ADGRV1: variants seen among roughly 807,000 people sequenced by gnomAD.
ADGRV1 encodes adhesion G protein-coupled receptor V1.
Under a neutral mutation model 596.2 loss-of-function variants are expected in ADGRV1, and 359 were observed. The observed-to-expected ratio is 0.60, with a 90% CI of 0.55 to 0.66. The LOEUF is 0.66. Among genes scored for constraint, ADGRV1 ranks in the 30% least tolerant of loss-of-function variants. The pLI, the probability that ADGRV1 is intolerant of heterozygous loss-of-function variation, is 0.00. For missense variants in ADGRV1, 7,274 were observed against 7,575.6 expected, an observed-to-expected ratio of 0.96 and a Z score of 1.48; for synonymous variants, 2,681 against 2,679.2, an observed-to-expected ratio of 1.00 and a Z score of -0.02.
chr5:91,104,860 C>CTTTTTTTTT (rs60957930), intron 87 of ADGRV1, among the ~76,000 whole-genome samples: 1 of 125,994 alleles, frequency 7.9e-6, no homozygotes, highest in Non-Finnish European at 1.6e-5. Flanking sequence ...CTTTTCTTTT[C>CTTTTTTTTT]TTTTTTTTTT....
chr5:90,848,894 C>A (rs1766189022), intron 79 of ADGRV1, 73 bp downstream of exon 79: 1 of 1,046,094 alleles, frequency 9.6e-7, no homozygotes, highest in Non-Finnish European at 1.4e-6. Context: ...ATATGTAATG[C>A]AAAATGACAT....
chr5:90,876,274 G>A (rs546053927), intron 83 of ADGRV1, among the ~76,000 whole-genome samples: 1 of 152,210 alleles, frequency 6.6e-6, no homozygotes, highest in East Asian at 1.9e-4. Context: ...TGCATTTAAG[G>A]AGCATGGTTT....
At chr5:90,577,373 A>G (rs1469802800) in intron 1 of ADGRV1, among the ~76,000 whole-genome samples, 1 of 152,238 alleles carries the variant, frequency 6.6e-6, no homozygotes, top group Non-Finnish European at 1.5e-5. Flanking sequence ...TTAGATAAAG[A>G]ATCCTTTCCC....
intron 89 of ADGRV1, among the ~76,000 whole-genome samples, chr5:91,160,341 G>C (rs916595148): frequency 6.6e-6 from 1 of 152,160 alleles, no homozygotes; most frequent in Non-Finnish European, 1.5e-5. Context: ...AAATGGAAAG[G>C]TGGAATTTTG....
intron 1 of ADGRV1, among the ~76,000 whole-genome samples, chr5:90,563,841 T>C (rs1755185165): frequency 6.6e-6 from 1 of 152,194 alleles, no homozygotes; most frequent in Non-Finnish European, 1.5e-5. Context: ...AGTCGTGAAT[T>C]TTGACAATTA....
chr5:91,053,754 T>A (rs1042028647), intron 85 of ADGRV1, among the ~76,000 whole-genome samples: 11 of 152,322 alleles, frequency 7.2e-5, no homozygotes, highest in Admixed American at 4.6e-4. Flanking sequence ...AAACTCCAGG[T>A]GGTTTTGCTA....
At chr5:91,066,467 G>A (rs770416631) in intron 85 of ADGRV1, among the ~76,000 whole-genome samples, 1 of 152,154 alleles carries the variant, frequency 6.6e-6, no homozygotes, top group Non-Finnish European at 1.5e-5. Flanking sequence ...AAGTATTTGG[G>A]AGAAATTTTA....
chr5:91,063,207 C>T (rs1436648999), intron 85 of ADGRV1, among the ~76,000 whole-genome samples: 1 of 151,996 alleles, frequency 6.6e-6, no homozygotes, highest in Non-Finnish European at 1.5e-5. Flanking sequence ...GATCTGCCCA[C>T]CTCGGCCTCC....
intron 85 of ADGRV1, among the ~76,000 whole-genome samples, chr5:90,993,429 T>C (rs1781139877): frequency 6.6e-6 from 1 of 152,140 alleles, no homozygotes; most frequent in Admixed American, 6.5e-5. Context: ...AGTGCTGGCA[T>C]TACAGGCGTG....
rs1214460002 is a variant in ADGRV1, at chr5:90,745,098, G to A, written c.10602G>A (p.Ser3534=). ...TGTCTGCTCTTTACTGCTGGAATTC[G>A]GAGCGTAATCAATTCTCTTTTGTTC... The part of the protein sequence containing the change: ...QDMSALYCWN[S]ERNQFSFVLE... The change falls in exon 51 of 90, where the codon TCG becomes TCA. Residue 3534 remains serine, a synonymous_variant. Coordinates refer to ENST00000405460, the MANE Select transcript of ADGRV1 (RefSeq NM_032119.4). The A allele has an allele frequency of 9.3e-6, 15 of 1,613,562 alleles. No homozygotes were observed. The highest frequency in any genetic ancestry group is 2.7e-5 in the African/African-American group (2 of 74,868).
chr5:91,155,011 C>G (rs531048982), intron 89 of ADGRV1, among the ~76,000 whole-genome samples: 1 of 152,282 alleles, frequency 6.6e-6, no homozygotes, highest in Non-Finnish European at 1.5e-5. Flanking sequence ...ACAGCCAAAT[C>G]ATATCACTAT....
chr5:91,012,261 A>G (rs1400259363), intron 85 of ADGRV1, among the ~76,000 whole-genome samples: 1 of 151,954 alleles, frequency 6.6e-6, no homozygotes, highest in Non-Finnish European at 1.5e-5. Flanking sequence ...TACAACTGTT[A>G]GACATTCCGT....
At chr5:90,831,314 C>T (rs999376553) in intron 77 of ADGRV1, among the ~76,000 whole-genome samples, 13 of 151,788 alleles carry the variant, frequency 8.6e-5, no homozygotes, top group South Asian at 6.2e-4. Context: ...CATAAGTACA[C>T]GCACACACAC....
At chr5:91,147,967 G>C (rs779168268) in intron 87 of ADGRV1, among the ~76,000 whole-genome samples, 4 of 152,118 alleles carry the variant, frequency 2.6e-5, no homozygotes, top group Non-Finnish European at 5.9e-5. Context: ...GGAACTTGTT[G>C]GGAACTGGAG....
intron 85 of ADGRV1, among the ~76,000 whole-genome samples, chr5:91,003,786 A>G (rs775323413): frequency 2.0e-5 from 3 of 152,194 alleles, no homozygotes; most frequent in Non-Finnish European, 4.4e-5. Context: ...TTAAAGAAAA[A>G]TATTTACAGT....
intron 83 of ADGRV1, among the ~76,000 whole-genome samples, chr5:90,886,899 T>C (rs1442015102): frequency 6.6e-6 from 1 of 152,184 alleles, no homozygotes; most frequent in Admixed American, 6.5e-5. Context: ...TGAGTTCATC[T>C]CCTTTTTTCC....
At position 90,823,490 on chromosome 5, in the gene ADGRV1, A is replaced by T. The variant is rs759224370; in HGVS notation, c.16262A>T (p.Lys5421Met). Residue 5421 changes from lysine to methionine, a missense_variant, in exon 76 of 90, where the codon AAG (lysine) becomes ATG (methionine). By Grantham distance (95) the Lys-to-Met change is moderately conservative. Transcript: ENST00000405460. ...TLNKTVVVLQ[K>M]DGVNLVEELQ... is the part of the protein sequence containing the mutation. ...AACAAAACAGTCGTCGTGCTCCAGA[A>T]GGATGGGGTAAACCTGGTGGAGGAA... is the stretch of plus-strand genomic sequence containing the variant. 8 of 1,613,978 alleles carry T rather than the reference A, an allele frequency of 5.0e-6. No homozygotes were observed. The highest frequency in any genetic ancestry group is 1.7e-5 in the Admixed American group (1 of 60,014).
chr5:90,946,299 G>A (rs911304778), intron 83 of ADGRV1, among the ~76,000 whole-genome samples: 1 of 152,106 alleles, frequency 6.6e-6, no homozygotes, highest in Non-Finnish European at 1.5e-5. Flanking sequence ...ATAGGGCATT[G>A]CAAGATCATG....
chr5:91,116,153 T>C (rs890923556), intron 87 of ADGRV1, among the ~76,000 whole-genome samples: 1 of 152,228 alleles, frequency 6.6e-6, no homozygotes, highest in Non-Finnish European at 1.5e-5. Flanking sequence ...ACTCTTTAGA[T>C]AGATAGGTCT....
Sources: gnomAD v4.1 joint callset for allele counts (sites outside exome capture counted in the v4.1 genomes callset) on GRCh38, gnomAD v4.1.1 for gene constraint, MANE v1.5 for transcripts, NCBI Gene and HGNC (gene_info 2026-07-23, HGNC 2026-07-21) for gene names.